PACS1: variants seen among roughly 807,000 people sequenced by gnomAD.
PACS1 encodes phosphofurin acidic cluster sorting protein 1, also known as PACS-1.
PACS1 carries 24 observed loss-of-function variants against 115.0 expected under a neutral mutation model. That is an observed-to-expected ratio of 0.21 (90% CI 0.15 to 0.29). The LOEUF (loss-of-function observed/expected upper bound fraction) is 0.29, where lower values mean the gene tolerates loss of function less well. PACS1 is among the 10% of genes least tolerant of loss of function. The pLI, the probability that PACS1 is intolerant of heterozygous loss-of-function variation, is 1.00. For missense variants in PACS1, 838 were observed against 1,251.2 expected, an observed-to-expected ratio of 0.67 and a Z score of 4.98; for synonymous variants, 453 against 504.5, an observed-to-expected ratio of 0.90 and a Z score of 1.37.
intron 14 of PACS1, among the ~76,000 whole-genome samples, chr11:66,232,606 G>C (rs547292667): frequency 6.6e-6 from 1 of 152,182 alleles, no homozygotes; most frequent in Non-Finnish European, 1.5e-5. Flanking sequence ...AGAAGCACCC[G>C]GCTGTAACCT....
At chr11:66,238,230 C>T (rs1360721301) in intron 19 of PACS1, 1 of 985,208 alleles carries the variant, frequency 1.0e-6, no homozygotes, top group Non-Finnish European at 1.2e-6. Context: ...GGCTGGTGTC[C>T]ACACCTTAGC....
chr11:66,151,566 GT>G (rs1181393330), intron 1 of PACS1, among the ~76,000 whole-genome samples: 1 of 152,212 alleles, frequency 6.6e-6, no homozygotes. Context: ...AGGAGAGACA[GT>G]TCGCAGTTTG....
At chr11:66,085,055 G>A (rs541182929) in intron 1 of PACS1, among the ~76,000 whole-genome samples, 16 of 152,302 alleles carry the variant, frequency 1.1e-4, no homozygotes, top group African/African-American at 3.9e-4. Flanking sequence ...TTATTTATTT[G>A]ATGGTTTCCA....
At chr11:66,202,726 GA>G (rs55677222) in intron 2 of PACS1, among the ~76,000 whole-genome samples, 230 of 10,894 alleles carry the variant, frequency 0.021, 5 homozygotes, top group South Asian at 0.083. Context: ...TCATCTCTAG[GA>G]AAAAAAAAAA....
Position 66,176,778 on chromosome 11 carries a change from A to G in PACS1, c.357-16708A>G, listed in dbSNP as rs78920690. ...TAAAGAACCAGTTCTGTGGCTTTGA[A>G]CATGATGTTCTCTCTGACTGGAATG... is the stretch of plus-strand genomic sequence containing the variant. On this transcript the variant is annotated intron_variant, in intron 1 of 23. Coordinates refer to ENST00000320580, the MANE Select transcript of PACS1 (RefSeq NM_018026.4). Among the ~76,000 whole-genome samples, 182 of 152,198 alleles carry G rather than the reference A, an allele frequency of 1.2e-3. 2 individuals are homozygous for G. Among genetic ancestry groups the G allele is most frequent in the African/African-American group, 4.2e-3 (176 of 41,530 alleles).
chr11:66,087,439 C>T (rs141069722), intron 1 of PACS1, among the ~76,000 whole-genome samples: 44 of 152,236 alleles, frequency 2.9e-4, no homozygotes, highest in African/African-American at 1.1e-3. Flanking sequence ...GGAAGGGTTT[C>T]ACCATGTTGG....
intron 1 of PACS1, among the ~76,000 whole-genome samples, chr11:66,161,928 AT>A (rs1353158424): frequency 2.0e-5 from 3 of 152,104 alleles, no homozygotes; most frequent in Non-Finnish European, 4.4e-5. Flanking sequence ...AACACACATT[AT>A]TTTAGGAGCC....
In PACS1 at chr11:66,070,780, G is replaced by T; in HGVS notation, c.294G>T (p.Pro98=). ...CGGGGCCAGGCCGCACCCCCGCCCC[G>T]GTGCAGATGAACCTGTACGCCACCT... ...GGPGPGRTPA[P]VQMNLYATWE... The change falls in exon 1 of 24, where the codon CCG becomes CCT. Residue 98 remains proline (P), a synonymous_variant. Transcript: ENST00000320580. This position sits in a 1 kb window ranked among gnomAD's most constrained non-coding sequence, Gnocchi z 5.9. The T allele has an allele frequency of 6.5e-7, 1 of 1,528,454 alleles. No individual in the cohort carries two copies. The allele number at this position is 1,528,454 out of a possible 1,614,324, so 94.7% of individuals were successfully genotyped here.
chr11:66,219,861 A>C, intron 8 of PACS1, 56 bp downstream of exon 8: 1 of 1,243,060 alleles, frequency 8.0e-7, no homozygotes, highest in East Asian at 2.3e-5. Context: ...GGTTTCACCC[A>C]GCATCCCTGG....
At chr11:66,080,406 G>A (rs1381934992) in intron 1 of PACS1, among the ~76,000 whole-genome samples, 3 of 152,188 alleles carry the variant, frequency 2.0e-5, no homozygotes, top group Non-Finnish European at 4.4e-5. Context: ...GAATAGTGTG[G>A]TGGGGAACTG....
chr11:66,185,438 A>G (rs974492695), intron 1 of PACS1, among the ~76,000 whole-genome samples: 9 of 152,168 alleles, frequency 5.9e-5, no homozygotes, highest in African/African-American at 2.2e-4. Context: ...TGTCTCATCC[A>G]TCTTTTCACT....
intron 1 of PACS1, among the ~76,000 whole-genome samples, chr11:66,072,720 A>G (rs1857330008): frequency 6.6e-6 from 1 of 152,034 alleles, no homozygotes; most frequent in African/African-American, 2.4e-5. Flanking sequence ...CACCTCTTTC[A>G]CACATAGAAA....
chr11:66,231,141 C>T (rs944177627), intron 13 of PACS1, among the ~76,000 whole-genome samples: 2 of 152,374 alleles, frequency 1.3e-5, no homozygotes, highest in South Asian at 2.1e-4. Flanking sequence ...CTGGCTTCCA[C>T]GCTGACCTCT....
intron 1 of PACS1, among the ~76,000 whole-genome samples, chr11:66,120,148 C>CTTTT (rs367965167): frequency 1.3e-4 from 17 of 135,286 alleles, no homozygotes; most frequent in African/African-American, 2.5e-4. Flanking sequence ...TCTGTGAACT[C>CTTTT]TTTTTTTTTT....
intron 19 of PACS1, among the ~76,000 whole-genome samples, chr11:66,237,245 T>C (rs1855723192): frequency 6.6e-6 from 1 of 151,858 alleles, no homozygotes; most frequent in Admixed American, 6.6e-5. Flanking sequence ...ATTTTTCTGC[T>C]GAGATGGCAT....
At chr11:66,125,064 G>T (rs1409702110) in intron 1 of PACS1, among the ~76,000 whole-genome samples, 1 of 152,134 alleles carries the variant, frequency 6.6e-6, no homozygotes, top group Non-Finnish European at 1.5e-5. Context: ...TCCACCTTTT[G>T]TCCATTGTGA....
At chr11:66,098,556 A>G (rs1052991366) in intron 1 of PACS1, among the ~76,000 whole-genome samples, 1 of 152,240 alleles carries the variant, frequency 6.6e-6, no homozygotes, top group African/African-American at 2.4e-5. Flanking sequence ...GGCACTCCCA[A>G]ATAACCACTA....
At chr11:66,146,123 CAG>C (rs1434031836) in intron 1 of PACS1, among the ~76,000 whole-genome samples, 1 of 151,728 alleles carries the variant, frequency 6.6e-6, no homozygotes, top group Non-Finnish European at 1.5e-5. Flanking sequence ...AGAAAACAAA[CAG>C]AAAAACAAAC....
chr11:66,076,760 G>C (rs1328681972), intron 1 of PACS1, among the ~76,000 whole-genome samples: 1 of 152,208 alleles, frequency 6.6e-6, no homozygotes, highest in Non-Finnish European at 1.5e-5. Context: ...TCTGAAATTT[G>C]GTGTTGGCCT....
Sources: gnomAD v4.1 joint callset for allele counts (sites outside exome capture counted in the v4.1 genomes callset) on GRCh38, gnomAD v4.1.1 for gene constraint, Gnocchi (gnomAD v3.1) non-coding constraint, MANE v1.5 for transcripts, NCBI Gene and HGNC (gene_info 2026-07-23, HGNC 2026-07-21) for gene names.